The following DCAF4 variants were observed in gnomAD, a reference collection of about 807,000 sequenced individuals.
DCAF4 encodes the protein DDB1- and CUL4-associated factor 4.
DCAF4 carries 37 observed loss-of-function variants against 60.9 expected under a neutral mutation model. The ratio of observed to expected loss-of-function variants is 0.61; its 90% CI spans 0.47 to 0.80. The LOEUF (loss-of-function observed/expected upper bound fraction) is 0.80, where lower values mean the gene tolerates loss of function less well. Ranked by LOEUF, DCAF4 falls within the 30% of genes least tolerant of loss-of-function variation. The pLI is 0.00. For missense variants in DCAF4, 577 were observed against 650.0 expected, an observed-to-expected ratio of 0.89 and a Z score of 1.22; for synonymous variants, 243 against 254.8, an observed-to-expected ratio of 0.95 and a Z score of 0.44.
At chr14:72,953,736 T>A (rs369863799) in intron 9 of DCAF4, among the ~76,000 whole-genome samples, 9,993 of 26,554 alleles carry the variant, frequency 0.38, 2,832 homozygotes, top group Non-Finnish European at 0.49. Flanking sequence ...AAAAAAAATA[T>A]ATATATATAT....
In DCAF4 at chr14:72,941,726, T is replaced by TAATAAATATAGA. The variant is rs1372917506; in HGVS notation, c.352-19_352-18insAATAAATATAGA. 6.2e-7 allele frequency: 1 copy of TAATAAATATAGA among 1,608,472 alleles called. No individual in the cohort carries two copies. The highest frequency in any genetic ancestry group is 8.5e-7 in the Non-Finnish European group (1 of 1,175,878). On this transcript the variant is annotated intron_variant, in intron 4 of 13. Coordinates refer to ENST00000358377, the MANE Select transcript of DCAF4 (RefSeq NM_015604.4). ...AATAAATCTTCATTGAATTGTTCTC[T>TAATAAATATAGA]TTTTTGTAATAAATATAGATTGCCA...
chr14:72,953,889 C>T (rs1891918719), intron 9 of DCAF4, among the ~76,000 whole-genome samples: 1 of 148,172 alleles, frequency 6.7e-6, no homozygotes, highest in African/African-American at 2.5e-5. Context: ...ATCGGAGCCA[C>T]CTTACCTCCA....
At position 72,954,230 on chromosome 14, in the gene DCAF4, T is replaced by A. The variant is rs747354067; in HGVS notation, c.875T>A (p.Leu292Gln). The A allele has an allele frequency of 7.4e-6, 12 of 1,614,066 alleles. No individual in the cohort carries two copies. The African/African-American group carries it at 1.6e-4, about 22-fold the overall frequency. Residue 292 changes from leucine (L) to glutamine (Q), a missense_variant, in exon 10 of 14, where the codon CTG becomes CAG. By Grantham distance (113) the Leu-to-Gln change is moderately radical (BLOSUM62 -2). Coordinates refer to ENST00000358377, the MANE Select transcript of DCAF4 (RefSeq NM_015604.4). ...IPGAWSCAWSLNIQANNCFST... is the reference protein window; with the variant it reads ...IPGAWSCAWSQNIQANNCFST... Reference sequence around the variant, plus strand: ...GGTGCCTGGTCCTGTGCCTGGTCCCTGAATATCCAAGCAAATAACTGCTTC... The same window carrying A: ...GGTGCCTGGTCCTGTGCCTGGTCCCAGAATATCCAAGCAAATAACTGCTTC...
At chr14:72,954,560 C>G in intron 11 of DCAF4, 77 bp downstream of exon 11, 2 of 1,331,972 alleles carry the variant, frequency 1.5e-6, no homozygotes, top group Non-Finnish European at 2.1e-6. Flanking sequence ...TTGGACTCCT[C>G]TGTGTGCCAT....
chr14:72,929,840 C>A, intron 1 of DCAF4: 1 of 1,419,508 alleles, frequency 7.0e-7, no homozygotes. Context: ...CTCAGACGCC[C>A]GCGGCGGCGG....
downstream of DCAF4, among the ~76,000 whole-genome samples, chr14:72,961,415 C>G (rs994596296): frequency 7.2e-5 from 11 of 152,246 alleles, no homozygotes; most frequent in Non-Finnish European, 2.9e-5. Flanking sequence ...CCCAGCCCAA[C>G]TCCACCATCC....
chr14:72,958,948 A>G lies in DCAF4; in HGVS notation c.*143A>G, dbSNP rs1024274270. 9 of 1,375,382 alleles carry G rather than the reference A, an allele frequency of 6.5e-6. No homozygotes were observed. The highest frequency in any genetic ancestry group is 8.4e-6 in the Non-Finnish European group (9 of 1,070,574). The allele number at this position is 1,375,382 out of a possible 1,614,324, so 85.2% of individuals were successfully genotyped here. The stretch of plus-strand genomic sequence containing the variant: ...CTGGCTGCTAGGAGAGAAGTGCTGA[A>G]TGTTCCGTGTGGAGATGCTCAGGAA... On this transcript the variant is annotated 3_prime_UTR_variant, in exon 14 of 14. Coordinates refer to ENST00000358377, the MANE Select transcript of DCAF4 (RefSeq NM_015604.4).
At chr14:72,932,690 A>G (rs541750695) in intron 1 of DCAF4, among the ~76,000 whole-genome samples, 1 of 152,276 alleles carries the variant, frequency 6.6e-6, no homozygotes, top group South Asian at 2.1e-4. Context: ...TGCTTCCTAC[A>G]TAGAACAGGT....
intron 11 of DCAF4, among the ~76,000 whole-genome samples, 195 bp downstream of exon 11, chr14:72,954,678 A>AAAG (rs1892040386): frequency 6.6e-6 from 1 of 152,042 alleles, no homozygotes; most frequent in Middle Eastern, 3.2e-3. Context: ...GGCTGGCCTG[A>AAAG]GTTGCTCTAC....
downstream of DCAF4, chr14:72,960,524 C>T: frequency 1.3e-6 from 1 of 755,414 alleles, no homozygotes; most frequent in South Asian, 4.8e-5. Context: ...CACCAGCAAA[C>T]CCCAGGGCAG....
intron 5 of DCAF4, 120 bp downstream of exon 5, chr14:72,941,944 A>G: frequency 9.8e-7 from 1 of 1,018,926 alleles, no homozygotes; most frequent in South Asian, 1.5e-5. Flanking sequence ...GCACCTGCAC[A>G]GTTGAGGGGC....
rs1053105310 is a variant in DCAF4 at position 72,952,008 on chromosome 14, A to C, written c.808+131A>C. The C allele has an allele frequency of 2.1e-5, 19 of 898,388 alleles. No individual in the cohort carries two copies. In the African/African-American group the frequency reaches 3.1e-4, roughly 15 times the overall value. 55.7% of individuals were successfully genotyped at this position (898,388 alleles called of 1,614,324 possible). The stretch of plus-strand genomic sequence containing the variant: ...GATTCCCTAAGCCTGTCCCAGGGTT[A>C]GTACCAGAAGCATGTGTTTTTTTTA... On this transcript the variant is annotated intron_variant, in intron 9 of 13. Transcript: ENST00000358377.
chr14:72,940,497 G>A, intron 4 of DCAF4, 120 bp downstream of exon 4: 1 of 1,057,302 alleles, frequency 9.5e-7, no homozygotes, highest in Non-Finnish European at 1.3e-6. Flanking sequence ...ACTTCAGGGG[G>A]TGTGGCCCTA....
At chr14:72,937,873 T>C (rs1280504841) in intron 1 of DCAF4, 98 bp from the exon 2 acceptor site, 4 of 1,427,394 alleles carry the variant, frequency 2.8e-6, no homozygotes, top group Admixed American at 3.0e-5. Flanking sequence ...GGGCCAGCCT[T>C]TTGCTGGTGC....
At chr14:72,932,366 GAAAAATGTAGT>G (rs1946164455) in intron 1 of DCAF4, among the ~76,000 whole-genome samples, 1 of 152,166 alleles carries the variant, frequency 6.6e-6, no homozygotes, top group Non-Finnish European at 1.5e-5. Flanking sequence ...AAATGATTCG[GAAAAATGTAGT>G]AAATATCTTG....
chr14:72,954,314 A>AC, intron 10 of DCAF4, 52 bp downstream of exon 10: 1 of 1,612,462 alleles, frequency 6.2e-7, no homozygotes, highest in Non-Finnish European at 8.5e-7. Flanking sequence ...AGGCCTTAAA[A>AC]CCCCATGTAG....
chr14:72,959,358 T>C lies in DCAF4; in HGVS notation c.*553T>C, dbSNP rs1327223359. 4 of 985,442 alleles carry C rather than the reference T, an allele frequency of 4.1e-6. No individual in the cohort carries two copies. In the East Asian group the frequency reaches 4.5e-4, roughly 112 times the overall value. The allele number at this position is 985,442 out of a possible 1,614,324, so 61.0% of individuals were successfully genotyped here. Reference sequence around the variant, plus strand: ...TGGCCTTCTCAAACTCAGCAGCAGATCTCCGGGATTCTGCTGTTATTATCC... The same window carrying C: ...TGGCCTTCTCAAACTCAGCAGCAGACCTCCGGGATTCTGCTGTTATTATCC... On this transcript the variant is annotated 3_prime_UTR_variant, in exon 14 of 14. Transcript: ENST00000358377.
At chr14:72,955,189 A>G (rs1168562368) in intron 11 of DCAF4, among the ~76,000 whole-genome samples, 1 of 152,064 alleles carries the variant, frequency 6.6e-6, no homozygotes, top group South Asian at 2.1e-4. Context: ...TTAAAAGTGA[A>G]TGAACCCACT....
rs1270510719 is a variant in DCAF4 at position 72,959,624 on chromosome 14, A to G, written c.*819A>G. 1.6e-5 allele frequency: 16 copies of G among 985,318 alleles called. No individual in the cohort carries two copies. The highest frequency in any genetic ancestry group is 1.8e-5 in the Non-Finnish European group (15 of 829,940). The allele number at this position is 985,318 out of a possible 1,614,324, so 61.0% of individuals were successfully genotyped here. A position where few individuals can be genotyped will look rare whatever the true frequency, so the allele number is the denominator to read the frequency against. ...GTGTTAAAGAGCCTGTTTTTCTACC[A>G]AACAATAAAACCAAGAGAAGAATCA... On this transcript the variant is annotated 3_prime_UTR_variant, in exon 14 of 14. Coordinates refer to ENST00000358377, the MANE Select transcript of DCAF4 (RefSeq NM_015604.4).
Sources: allele counts gnomAD v4.1 joint callset (sites outside exome capture counted in the v4.1 genomes callset), GRCh38; gene constraint gnomAD v4.1.1; transcripts MANE v1.5; gene names NCBI Gene and HGNC (gene_info 2026-07-23, HGNC 2026-07-21).